The following FBN2 variants were observed in gnomAD, a reference collection of about 807,000 sequenced individuals.
FBN2 encodes fibrillin-2.
FBN2 carries 105 observed loss-of-function variants against 355.6 expected under a neutral mutation model. The ratio of observed to expected loss-of-function variants is 0.30; its 90% CI spans 0.25 to 0.35. The LOEUF is 0.35. Among genes scored for constraint, FBN2 ranks in the 10% least tolerant of loss-of-function variants. FBN2 has a pLI of 1.00. For synonymous variants in FBN2, 1,350 were observed against 1,301.2 expected (o/e 1.04, Z -0.81); for missense variants, 3,280 against 3,758.7 (o/e 0.87, Z 3.33).
intron 23 of FBN2, 74 bp from the exon 24 acceptor site, chr5:128,345,658 C>T: frequency 1.5e-6 from 2 of 1,361,120 alleles, no homozygotes; most frequent in Non-Finnish European, 1.0e-6. Context: ...CAAGCGTCTG[C>T]TCAGCACCAG....
At chr5:128,368,465 T>TAAATATATATAC in intron 16 of FBN2, among the ~76,000 whole-genome samples, 1 of 128,214 alleles carries the variant, frequency 7.8e-6, no homozygotes, top group East Asian at 2.1e-4. Flanking sequence ...CACATATATA[T>TAAATATATATAC]ACATATATAT....
At chr5:128,423,419 G>T (rs1010597039) in intron 7 of FBN2, among the ~76,000 whole-genome samples, 1 of 152,126 alleles carries the variant, frequency 6.6e-6, no homozygotes, top group African/African-American at 2.4e-5. Context: ...GAGAACATGT[G>T]TAAGGGAACT....
At chr5:128,269,510 CT>C (rs1056279535) in intron 62 of FBN2, among the ~76,000 whole-genome samples, 24 of 151,208 alleles carry the variant, frequency 1.6e-4, no homozygotes, top group African/African-American at 5.6e-4. Flanking sequence ...AAAACTCAAG[CT>C]GATAAGCAAC....
In FBN2 at chr5:128,258,783, T is replaced by A. The variant is rs1401525861; in HGVS notation, c.*672A>T. ...TTGTCACAAATGAGCTGCTTTGGCT[T>A]CGATCTACGTTATAAAGGATCTAAT... On this transcript the variant is annotated 3_prime_UTR_variant, in exon 65 of 65. Coordinates refer to ENST00000262464, the MANE Select transcript of FBN2 (RefSeq NM_001999.4). 1 of 152,910 alleles carries A rather than the reference T, an allele frequency of 6.5e-6. No homozygotes were observed. The highest frequency in any genetic ancestry group is 1.5e-5 in the Non-Finnish European group (1 of 68,230). 9.5% of individuals were successfully genotyped at this position (152,910 alleles called of 1,614,324 possible).
intron 24 of FBN2, among the ~76,000 whole-genome samples, chr5:128,345,154 T>C (rs796737586): frequency 4.6e-5 from 7 of 152,354 alleles, no homozygotes; most frequent in African/African-American, 1.4e-4. Context: ...AAGAGAAAGA[T>C]AAGCAATCTG....
intron 43 of FBN2, 60 bp downstream of exon 43, chr5:128,305,763 T>C (rs1749853259): frequency 1.9e-6 from 3 of 1,603,936 alleles, no homozygotes. Flanking sequence ...AGAAACCATC[T>C]AAATGCTATA....
Position 128,310,041 on chromosome 5 carries a change from A to G in FBN2, c.5142T>C (p.Asn1714=). ...GPGTCYNTLG[N]YTCICPPEYM... ...ACTCAGGTGGGCAAATGCAGGTGTA[A>G]TTTCCCAGGGTGTTATAGCAGGTCC... Residue 1714 remains asparagine, a synonymous_variant, in exon 40 of 65, where the codon AAT becomes AAC. Coordinates refer to ENST00000262464, the MANE Select transcript of FBN2 (RefSeq NM_001999.4). 4 of 1,613,826 alleles carry G rather than the reference A, an allele frequency of 2.5e-6. No individual in the cohort carries two copies. Among genetic ancestry groups the G allele is most frequent in the Non-Finnish European group, 3.4e-6 (4 of 1,179,808 alleles).
chr5:128,289,010 G>A (rs1379642002), intron 52 of FBN2, 117 bp downstream of exon 52: 1 of 1,031,156 alleles, frequency 9.7e-7, no homozygotes, highest in East Asian at 2.5e-5. Context: ...GCCACTACTA[G>A]CTATTTATCC....
intron 5 of FBN2, among the ~76,000 whole-genome samples, chr5:128,516,067 C>G (rs1342175249): frequency 6.6e-6 from 1 of 152,144 alleles, no homozygotes; most frequent in African/African-American, 2.4e-5. Flanking sequence ...CATTTGCGAT[C>G]AAGTAATCAC....
chr5:128,365,977 G>T (rs1013396317), intron 17 of FBN2, among the ~76,000 whole-genome samples: 4 of 151,640 alleles, frequency 2.6e-5, no homozygotes. Flanking sequence ...TCCCAAACTT[G>T]ATCCATATCA....
chr5:128,368,477 CAT>C (rs1251022300), intron 16 of FBN2, among the ~76,000 whole-genome samples: 25 of 144,278 alleles, frequency 1.7e-4, no homozygotes, highest in Admixed American at 1.5e-3. Context: ...CATATATATA[CAT>C]ATATATACAC....
chr5:128,460,687 C>T (rs1426743549), intron 6 of FBN2, among the ~76,000 whole-genome samples: 1 of 152,134 alleles, frequency 6.6e-6, no homozygotes, highest in South Asian at 2.1e-4. Flanking sequence ...AGAACAGAGA[C>T]CTCAGAAATA....
intron 7 of FBN2, among the ~76,000 whole-genome samples, chr5:128,437,418 C>G (rs1460122282): frequency 6.6e-6 from 1 of 152,104 alleles, no homozygotes; most frequent in African/African-American, 2.4e-5. Context: ...CGTTTAACAA[C>G]TGCAATAATG....
At chr5:128,420,969 G>T (rs1003970523) in intron 7 of FBN2, among the ~76,000 whole-genome samples, 5 of 152,170 alleles carry the variant, frequency 3.3e-5, no homozygotes, top group Non-Finnish European at 7.3e-5. Context: ...ATTGATAAAG[G>T]CCCCTAAAGA....
chr5:128,352,481 T>C (rs1320738456), intron 20 of FBN2, among the ~76,000 whole-genome samples: 2 of 152,240 alleles, frequency 1.3e-5, no homozygotes, highest in Non-Finnish European at 2.9e-5. Context: ...ATATTTTTGG[T>C]GGCATAATGA....
At chr5:128,500,271 G>T (rs1205907594) in intron 5 of FBN2, among the ~76,000 whole-genome samples, 2 of 150,124 alleles carry the variant, frequency 1.3e-5, no homozygotes, top group Admixed American at 6.6e-5. Flanking sequence ...AAGGTCAAAT[G>T]AAACTAACAA....
Position 128,276,074 on chromosome 5 carries a change from C to G in FBN2, c.7558G>C (p.Gly2520Arg). 1 of 1,613,820 alleles carries G rather than the reference C, an allele frequency of 6.2e-7. No homozygotes were observed. Among genetic ancestry groups the G allele is most frequent in the South Asian group, 1.1e-5 (1 of 91,078 alleles). The change falls in exon 59 of 65, where the codon GGG (glycine) becomes CGG (arginine). Residue 2520 changes from glycine to arginine, a missense_variant. By Grantham distance (125) the Gly-to-Arg change is moderately radical (BLOSUM62 -2). This residue lies in a region of FBN2 where 2,284 missense variants were observed against 2,749.5 expected (regional missense o/e 0.83). Coordinates refer to ENST00000262464, the MANE Select transcript of FBN2 (RefSeq NM_001999.4). Reference sequence around the variant, plus strand: ...TTTCCATCCTCTTGCAGGACATACCCCCTCGGACATGAACACTGATAACTC... The same window carrying G: ...TTTCCATCCTCTTGCAGGACATACCGCCTCGGACATGAACACTGATAACTC... ...EGSYQCSCPR[G>R]YVLQEDGKTC...
intron 5 of FBN2, among the ~76,000 whole-genome samples, chr5:128,486,614 T>G (rs1755343607): frequency 6.6e-6 from 1 of 152,156 alleles, no homozygotes; most frequent in Non-Finnish European, 1.5e-5. Flanking sequence ...AGAACTCTAT[T>G]CCTGCAACTC....
intron 62 of FBN2, among the ~76,000 whole-genome samples, chr5:128,269,866 A>C (rs751794659): frequency 2.6e-5 from 4 of 152,078 alleles, no homozygotes; most frequent in Non-Finnish European, 5.9e-5. Context: ...TATGGAACCA[A>C]AGAAGAGCGT....
Sources: allele counts gnomAD v4.1 joint callset (sites outside exome capture counted in the v4.1 genomes callset), GRCh38; gene constraint gnomAD v4.1.1; regional missense constraint gnomAD v4.1.1; transcripts MANE v1.5; gene names NCBI Gene and HGNC (gene_info 2026-07-23, HGNC 2026-07-21).